Variants in MSRA observed in about 807,000 individuals in gnomAD.
The protein encoded by MSRA is methionine sulfoxide reductase A.
A neutral mutation model predicts 31.3 loss-of-function variants in MSRA; 54 were observed. The ratio of observed to expected loss-of-function variants is 1.73; its 90% CI spans 1.39 to 2.17. The LOEUF is 2.17. MSRA is among the 30% of genes most tolerant of loss of function. MSRA has a pLI of 0.00. For synonymous variants in MSRA, 169 were observed against 116.5 expected (o/e 1.45, Z -2.90); for missense variants, 507 against 300.9 (o/e 1.69, Z -5.07).
intron 5 of MSRA, among the ~76,000 whole-genome samples, chr8:10,346,507 C>CA (rs1326456801): frequency 6.6e-6 from 1 of 152,138 alleles, no homozygotes; most frequent in Non-Finnish European, 1.5e-5. Flanking sequence ...TGGAAACAAG[C>CA]AAAGCCTCTT....
At chr8:10,293,662 C>A (rs1373138840) in intron 3 of MSRA, among the ~76,000 whole-genome samples, 1 of 152,238 alleles carries the variant, frequency 6.6e-6, no homozygotes, top group East Asian at 1.9e-4. Flanking sequence ...ACCTCTTCCT[C>A]AGCTGTACTG....
rs537539753 is a variant in MSRA at position 10,302,292 on chromosome 8, GA to G, written c.436+656del. Reference sequence around the variant, plus strand: ...AAATATCATTGTAATATTCAATAATGAAGCAATTTCAAGATCGCATCCCAGC... The same window carrying G: ...AAATATCATTGTAATATTCAATAATGAGCAATTTCAAGATCGCATCCCAGC... On this transcript the variant is annotated intron_variant, in intron 4 of 5. Coordinates refer to ENST00000317173, the MANE Select transcript of MSRA (RefSeq NM_012331.5). Among the ~76,000 whole-genome samples, 6 of 152,380 alleles carry G rather than the reference GA, an allele frequency of 3.9e-5. No individual in the cohort carries two copies. In the East Asian group the frequency reaches 1.2e-3, roughly 29 times the overall value.
intron 5 of MSRA, among the ~76,000 whole-genome samples, chr8:10,329,285 G>A (rs1802554044): frequency 6.6e-6 from 1 of 152,132 alleles, no homozygotes; most frequent in African/African-American, 2.4e-5. Flanking sequence ...GTACTAGCTG[G>A]GCTCTGCTCC....
At chr8:10,314,900 A>T (rs1041835674) in intron 4 of MSRA, among the ~76,000 whole-genome samples, 29 of 152,224 alleles carry the variant, frequency 1.9e-4, no homozygotes, top group African/African-American at 6.5e-4. Flanking sequence ...AGGCTGTATT[A>T]GTCTATTCCC....
At chr8:10,261,664 T>A (rs1287925607) in intron 3 of MSRA, among the ~76,000 whole-genome samples, 1 of 152,214 alleles carries the variant, frequency 6.6e-6, no homozygotes, top group African/African-American at 2.4e-5. Flanking sequence ...GCTATTAACA[T>A]CTTAGTGTAG....
intron 3 of MSRA, among the ~76,000 whole-genome samples, chr8:10,246,302 G>A (rs897683081): frequency 6.6e-6 from 1 of 152,192 alleles, no homozygotes; most frequent in Non-Finnish European, 1.5e-5. Flanking sequence ...GTAGGCAGAT[G>A]CCCTCATGGC....
intron 1 of MSRA, among the ~76,000 whole-genome samples, chr8:10,173,184 G>A (rs979299106): frequency 1.1e-4 from 16 of 152,162 alleles, no homozygotes; most frequent in African/African-American, 2.9e-4. Context: ...CTTTTGGTTC[G>A]ACTATGTGAT....
At chr8:10,321,456 C>G (rs1414801048) in intron 5 of MSRA, among the ~76,000 whole-genome samples, 1 of 152,056 alleles carries the variant, frequency 6.6e-6, no homozygotes, top group Non-Finnish European at 1.5e-5. Context: ...GCTGACAGAG[C>G]CCATTCCTTC....
intron 5 of MSRA, among the ~76,000 whole-genome samples, chr8:10,389,954 G>T (rs1413610204): frequency 6.6e-6 from 1 of 152,096 alleles, no homozygotes; most frequent in Non-Finnish European, 1.5e-5. Context: ...TGACCCACCT[G>T]AGCCCACTCC....
intron 3 of MSRA, among the ~76,000 whole-genome samples, chr8:10,284,751 A>G (rs759118203): frequency 1.3e-5 from 2 of 152,106 alleles, no homozygotes; most frequent in African/African-American, 4.8e-5. Context: ...TGGCTGTGCC[A>G]TGTAACCTCT....
chr8:10,274,918 C>T (rs1030204292), intron 3 of MSRA, among the ~76,000 whole-genome samples: 2 of 152,172 alleles, frequency 1.3e-5, no homozygotes, highest in African/African-American at 4.8e-5. Flanking sequence ...CGTCTATCTT[C>T]TTTTGAGTTG....
At chr8:10,414,847 G>C (rs899396974) in intron 5 of MSRA, among the ~76,000 whole-genome samples, 1 of 152,160 alleles carries the variant, frequency 6.6e-6, no homozygotes, top group Non-Finnish European at 1.5e-5. Flanking sequence ...GTAGTTAATT[G>C]ATTGCAGATA....
At chr8:10,119,764 C>A (rs1431883523) in intron 1 of MSRA, among the ~76,000 whole-genome samples, 1 of 152,058 alleles carries the variant, frequency 6.6e-6, no homozygotes, top group Non-Finnish European at 1.5e-5. Context: ...GTACTGAGAA[C>A]AATGCTGGGG....
At chr8:10,219,326 G>A (rs1343953597) in intron 2 of MSRA, among the ~76,000 whole-genome samples, 1 of 152,138 alleles carries the variant, frequency 6.6e-6, no homozygotes, top group South Asian at 2.1e-4. Context: ...TCTCACAGAA[G>A]GTGTAGGTAA....
intron 2 of MSRA, among the ~76,000 whole-genome samples, chr8:10,222,022 A>C: frequency 6.6e-6 from 1 of 151,972 alleles, no homozygotes; most frequent in Non-Finnish European, 1.5e-5. Context: ...GGGGACTTTA[A>C]CATTTATTTT....
intron 5 of MSRA, among the ~76,000 whole-genome samples, chr8:10,395,000 A>G (rs1807006552): frequency 1.3e-5 from 2 of 152,220 alleles, no homozygotes; most frequent in African/African-American, 4.8e-5. Flanking sequence ...TGGGACCTAT[A>G]CAAATGATTT....
chr8:10,192,207 G>T (rs1014692511), intron 1 of MSRA, among the ~76,000 whole-genome samples: 1 of 152,242 alleles, frequency 6.6e-6, no homozygotes, highest in South Asian at 2.1e-4. Flanking sequence ...GTTGTGTTCT[G>T]TTTAGTAGCA....
At chr8:10,112,849 C>G (rs1363176001) in intron 1 of MSRA, among the ~76,000 whole-genome samples, 2 of 152,166 alleles carry the variant, frequency 1.3e-5, no homozygotes, top group South Asian at 2.1e-4. Context: ...GCAGCCATTC[C>G]TTGTCTGAAG....
In MSRA at chr8:10,068,707, T is replaced by G. The variant is rs187365733; in HGVS notation, c.142+14049T>G. On this transcript the variant is annotated intron_variant, in intron 1 of 5. Transcript: ENST00000317173. ...TCTTTTGCTGATTGTTGAAGTTGAG[T>G]AGCATCGGTTCTCTGACTTTGTTCT... Among the ~76,000 whole-genome samples, 80 of 152,352 alleles carry G rather than the reference T, an allele frequency of 5.3e-4. 1 individual carries two copies. Among genetic ancestry groups the G allele is most frequent in the Non-Finnish European group, 9.3e-4 (63 of 68,020 alleles).
Sources: gnomAD v4.1 joint callset for allele counts (sites outside exome capture counted in the v4.1 genomes callset) on GRCh38, gnomAD v4.1.1 for gene constraint, MANE v1.5 for transcripts, NCBI Gene and HGNC (gene_info 2026-07-23, HGNC 2026-07-21) for gene names.